The following SIAH1 variants were observed in gnomAD, a reference collection of about 807,000 sequenced individuals.
SIAH1 encodes siah E3 ubiquitin protein ligase 1.
In SIAH1, 2 loss-of-function variants were observed where a neutral mutation model predicts 20.0. The observed-to-expected ratio is 0.10, with a 90% CI of 0.04 to 0.31. The LOEUF is 0.31. Ranked by LOEUF, SIAH1 falls within the 10% of genes least tolerant of loss-of-function variation. The probability of loss-of-function intolerance (pLI) is 1.00; values close to 1 mark genes in which losing one functional copy is unlikely to be tolerated. For missense variants in SIAH1, 119 were observed against 355.3 expected (o/e 0.33, Z 5.35); for synonymous variants, 118 against 125.3 (o/e 0.94, Z 0.39).
At position 48,360,959 on chromosome 16, in the gene SIAH1, AT is replaced by A. The variant is rs1449388752; in HGVS notation, c.*620del. The stretch of plus-strand genomic sequence containing the variant: ...GAACTGATTAATGGGGGAAAAGAAA[AT>A]ATTGAACACGTTATAAATTTTTTAC... On this transcript the variant is annotated 3_prime_UTR_variant, in exon 2 of 2. Transcript: ENST00000394725. 1 of 152,258 alleles carries A rather than the reference AT, an allele frequency of 6.6e-6. No homozygotes were observed. The highest frequency in any genetic ancestry group is 2.4e-5 in the African/African-American group (1 of 41,458). The allele number at this position is 152,258 out of a possible 1,614,324, so 9.4% of individuals were successfully genotyped here.
intron 1 of SIAH1, among the ~76,000 whole-genome samples, chr16:48,375,911 G>A (rs187156223): frequency 6.6e-6 from 1 of 152,220 alleles, no homozygotes; most frequent in Non-Finnish European, 1.5e-5. Flanking sequence ...AAACCAGAGA[G>A]AGATGGGACC....
intron 1 of SIAH1, among the ~76,000 whole-genome samples, chr16:48,378,567 C>A (rs968936310): frequency 3.3e-5 from 5 of 152,152 alleles, no homozygotes; most frequent in Admixed American, 6.5e-5. Flanking sequence ...GATTTGAGCA[C>A]TTTTTCCATA....
intron 1 of SIAH1, among the ~76,000 whole-genome samples, chr16:48,366,622 C>T (rs1352775236): frequency 1.3e-5 from 2 of 152,192 alleles, no homozygotes; most frequent in East Asian, 3.8e-4. Flanking sequence ...TAAAGTCCTG[C>T]GCCTCAGATT....
At position 48,361,217 on chromosome 16, in the gene SIAH1, A is replaced by G. The variant is rs149352465; in HGVS notation, c.*363T>C. 5.4e-5 allele frequency: 12 copies of G among 223,068 alleles called. No individual in the cohort carries two copies. Among genetic ancestry groups the G allele is most frequent in the Non-Finnish European group, 1.1e-4 (12 of 109,692 alleles). The allele number at this position is 223,068 out of a possible 1,614,324, so 13.8% of individuals were successfully genotyped here. A position where few individuals can be genotyped will look rare whatever the true frequency, so the allele number is the denominator to read the frequency against. The stretch of plus-strand genomic sequence containing the variant: ...TCAGTTAAAGGAAAAAAACCCAAAC[A>G]CGCACACACCCACGCAGGCACACAC... On this transcript the variant is annotated 3_prime_UTR_variant, in exon 2 of 2. Transcript: ENST00000394725.
chr16:48,368,984 G>C (rs1375196978), intron 1 of SIAH1, among the ~76,000 whole-genome samples: 1 of 152,108 alleles, frequency 6.6e-6, no homozygotes, highest in Admixed American at 6.5e-5. Flanking sequence ...ATTGTGGCAG[G>C]TATTATGTAG....
chr16:48,365,706 A>T, intron 1 of SIAH1: 4 of 1,422,550 alleles, frequency 2.8e-6, no homozygotes, highest in South Asian at 1.6e-5. Context: ...CATCTCCAAA[A>T]ATGGGAGCCA....
At chr16:48,385,601 G>C (rs968036202), upstream of SIAH1, among the ~76,000 whole-genome samples, 1 of 151,962 alleles carries the variant, frequency 6.6e-6, no homozygotes, top group Admixed American at 6.6e-5. Context: ...CAGTAGGTGC[G>C]GGGGCTACTC....
chr16:48,368,454 G>T (rs1324679864), intron 1 of SIAH1, among the ~76,000 whole-genome samples: 1 of 152,256 alleles, frequency 6.6e-6, no homozygotes, highest in South Asian at 2.1e-4. Flanking sequence ...ACAGCACTTT[G>T]GGAGGCCAAG....
At position 48,365,847 on chromosome 16, in the gene SIAH1, AGAAG is replaced by A. The variant is rs1442273287; in HGVS notation, c.-2-3421_-2-3418del. The A allele has an allele frequency of 5.6e-6, 7 of 1,250,580 alleles. No homozygotes were observed. The African/African-American group carries it at 7.7e-5, about 14-fold the overall frequency. 77.5% of individuals were successfully genotyped at this position (1,250,580 alleles called of 1,614,324 possible). ...GATGCAGGGGGCGACGCGCTGGCTG[AGAAG>A]GAAGTGCGCTCCCTGAGCCAGCTCA... On this transcript the variant is annotated intron_variant, in intron 1 of 1. Transcript: ENST00000394725.
At chr16:48,385,760 G>A (rs960962590), upstream of SIAH1, among the ~76,000 whole-genome samples, 2 of 151,852 alleles carry the variant, frequency 1.3e-5, no homozygotes, top group African/African-American at 4.8e-5. Context: ...CCCCGGCTCC[G>A]GCCGGAGGGG....
chr16:48,380,831 G>A (rs1157146889), intron 1 of SIAH1, among the ~76,000 whole-genome samples: 2 of 147,422 alleles, frequency 1.4e-5, no homozygotes, highest in African/African-American at 2.5e-5. Flanking sequence ...AGGAGGCTGA[G>A]GCAGGAGAAA....
chr16:48,364,092 G>A (rs1960733541), intron 1 of SIAH1, among the ~76,000 whole-genome samples: 1 of 151,712 alleles, frequency 6.6e-6, no homozygotes, highest in Non-Finnish European at 1.5e-5. Flanking sequence ...TGGGATTACA[G>A]GGGCCCGCCA....
chr16:48,370,757 G>C (rs1334916633), intron 1 of SIAH1, among the ~76,000 whole-genome samples: 2 of 149,334 alleles, frequency 1.3e-5, no homozygotes, highest in East Asian at 2.0e-4. Flanking sequence ...AGTGAGCCCA[G>C]ATCACGACAC....
At chr16:48,381,658 C>CTA (rs1268819565) in intron 1 of SIAH1, among the ~76,000 whole-genome samples, 2 of 152,084 alleles carry the variant, frequency 1.3e-5, no homozygotes, top group East Asian at 3.8e-4. Context: ...TGTGAAAAGG[C>CTA]TACATATTTT....
chr16:48,368,221 G>A (rs1475361574), intron 1 of SIAH1, among the ~76,000 whole-genome samples: 1 of 152,154 alleles, frequency 6.6e-6, no homozygotes, highest in African/African-American at 2.4e-5. Context: ...AACCAAGAGG[G>A]CTACAACATC....
intron 1 of SIAH1, among the ~76,000 whole-genome samples, chr16:48,378,085 C>G (rs896318298): frequency 3.9e-5 from 6 of 152,276 alleles, no homozygotes; most frequent in Middle Eastern, 6.8e-3. Context: ...GGCGCAGTGG[C>G]TCACGCCTGT....
intron 1 of SIAH1, among the ~76,000 whole-genome samples, chr16:48,379,638 C>T (rs767728998): frequency 3.3e-5 from 5 of 152,146 alleles, no homozygotes; most frequent in Non-Finnish European, 4.4e-5. Flanking sequence ...ATGACCAAGT[C>T]GTCATAGAGA....
chr16:48,382,758 T>C (rs1265726889), intron 1 of SIAH1, among the ~76,000 whole-genome samples: 1 of 152,184 alleles, frequency 6.6e-6, no homozygotes, highest in Non-Finnish European at 1.5e-5. Context: ...ATTCTGTTAA[T>C]AAATCTCTTT....
At chr16:48,373,614 C>A (rs1318405906) in intron 1 of SIAH1, among the ~76,000 whole-genome samples, 5 of 152,202 alleles carry the variant, frequency 3.3e-5, no homozygotes, top group Admixed American at 3.3e-4. Context: ...ATCCTCCCAA[C>A]CAGTCTCATT....
Sources: gnomAD v4.1 joint callset for allele counts (sites outside exome capture counted in the v4.1 genomes callset) on GRCh38, gnomAD v4.1.1 for gene constraint, MANE v1.5 for transcripts, NCBI Gene and HGNC (gene_info 2026-07-23, HGNC 2026-07-21) for gene names.